Variants in PDE3A observed in about 807,000 individuals in gnomAD.
PDE3A encodes the protein cGMP-inhibited 3',5'-cyclic phosphodiesterase 3A.
Under a neutral mutation model 98.3 loss-of-function variants are expected in PDE3A, and 43 were observed. The observed-to-expected ratio is 0.44, with a 90% CI of 0.34 to 0.56. PDE3A has a LOEUF of 0.56. PDE3A is among the 20% of genes least tolerant of loss of function. The pLI, the probability that PDE3A is intolerant of heterozygous loss-of-function variation, is 0.01. For missense variants in PDE3A, 1,427 were observed against 1,440.7 expected, an observed-to-expected ratio of 0.99 and a Z score of 0.15; for synonymous variants, 663 against 567.9, an observed-to-expected ratio of 1.17 and a Z score of -2.38.
At chr12:20,420,330 A>T (rs950247318) in intron 1 of PDE3A, among the ~76,000 whole-genome samples, 7 of 152,182 alleles carry the variant, frequency 4.6e-5, no homozygotes, top group African/African-American at 1.7e-4. Flanking sequence ...TCCGATCTCC[A>T]CGCTCTAAAC....
intron 15 of PDE3A, among the ~76,000 whole-genome samples, chr12:20,657,350 A>C (rs536096085): frequency 6.6e-6 from 1 of 152,304 alleles, no homozygotes; most frequent in South Asian, 2.1e-4. Context: ...GGCTCTCAGT[A>C]ATGTTAATAT....
chr12:20,570,085 G>A (rs1156424257), intron 2 of PDE3A, among the ~76,000 whole-genome samples: 2 of 152,042 alleles, frequency 1.3e-5, no homozygotes, highest in Non-Finnish European at 2.9e-5. Context: ...GAGAACTTAT[G>A]ATGAAAAGCA....
At chr12:20,370,781 C>A (rs1430851144) in intron 1 of PDE3A, among the ~76,000 whole-genome samples, 2 of 152,138 alleles carry the variant, frequency 1.3e-5, no homozygotes, top group Non-Finnish European at 2.9e-5. Context: ...GGAATTGATA[C>A]ACATTTTCTG....
rs74064919 is a variant in PDE3A, at chr12:20,508,507, G to A, written c.961-48153G>A. Reference sequence around the variant, plus strand: ...GTTGCTCAATGAATATTTGTGGAATGATTTGAGTAAACAGCAATTTGATCA... The same window carrying A: ...GTTGCTCAATGAATATTTGTGGAATAATTTGAGTAAACAGCAATTTGATCA... On this transcript the variant is annotated intron_variant, in intron 1 of 15. Transcript: ENST00000359062. Among the ~76,000 whole-genome samples the A allele has an allele frequency of 1.7e-3, 257 of 151,574 alleles. 2 individuals carry two copies. Among genetic ancestry groups the A allele is most frequent in the African/African-American group, 5.9e-3 (245 of 41,358 alleles).
chr12:20,520,502 A>G (rs567261040), intron 1 of PDE3A, among the ~76,000 whole-genome samples: 1 of 152,322 alleles, frequency 6.6e-6, no homozygotes, highest in African/African-American at 2.4e-5. Flanking sequence ...TAGTCAGCCA[A>G]AAGACACATG....
chr12:20,513,744 T>G (rs1592005827), intron 1 of PDE3A, among the ~76,000 whole-genome samples: 1 of 152,188 alleles, frequency 6.6e-6, no homozygotes, highest in African/African-American at 2.4e-5. Flanking sequence ...TTTTGACACA[T>G]CTGATAGAGA....
rs1374448960 is a variant in PDE3A at position 20,369,487 on chromosome 12, G to C, written c.203G>C (p.Gly68Ala). Residue 68 changes from glycine (G) to alanine (A), a missense_variant, in exon 1 of 16, where the codon GGC becomes GCC. Gly to Ala is a moderately conservative substitution (Grantham distance 60, BLOSUM62 0). Transcript: ENST00000359062. ...AAACTTTCCTCCGCGCTGTGCGCGG[G>C]CTCCCTGTCCTTTCTGCTGGCGCTG... is the stretch of plus-strand genomic sequence containing the variant. Reference protein sequence around the residue: ...SRKLSSALCAGSLSFLLALLV... With the variant: ...SRKLSSALCAASLSFLLALLV... 1 of 1,557,298 alleles carries C rather than the reference G, an allele frequency of 6.4e-7. No individual in the cohort carries two copies. Among genetic ancestry groups the C allele is most frequent in the Non-Finnish European group, 8.7e-7 (1 of 1,151,158 alleles).
At chr12:20,388,882 C>T (rs1366724487) in intron 1 of PDE3A, among the ~76,000 whole-genome samples, 1 of 151,852 alleles carries the variant, frequency 6.6e-6, no homozygotes, top group African/African-American at 2.4e-5. Flanking sequence ...ACAATGTGTA[C>T]ATAATATTTT....
At chr12:20,479,507 G>A (rs1453640924) in intron 1 of PDE3A, among the ~76,000 whole-genome samples, 1 of 152,096 alleles carries the variant, frequency 6.6e-6, no homozygotes, top group Non-Finnish European at 1.5e-5. Flanking sequence ...TGGTTGTTGA[G>A]GGCCAGAACT....
chr12:20,554,363 A>AATAAAAAAAT (rs1381466088), intron 1 of PDE3A, among the ~76,000 whole-genome samples: 1 of 5,526 alleles, frequency 1.8e-4, no homozygotes, highest in Admixed American at 5.4e-3. Flanking sequence ...CACAGATAAA[A>AATAAAAAAAT]AAAAAAAAAT....
In PDE3A at chr12:20,630,048, T is replaced by G; in HGVS notation, c.1681T>G (p.Ser561Ala). 6.2e-7 allele frequency: 1 copy of G among 1,614,000 alleles called. No individual in the cohort carries two copies. Among genetic ancestry groups the G allele is most frequent in the Non-Finnish European group, 8.5e-7 (1 of 1,179,938 alleles). The change falls in exon 6 of 16, where the codon TCT becomes GCT. Residue 561 changes from serine (S) to alanine (A), a missense_variant. This residue lies in a region of PDE3A where 1,012 missense variants were observed against 886.5 expected (regional missense o/e 1.14). Transcript: ENST00000359062. ...ADTTAKQSLG[S>A]HRALTYTQSA... is the part of the protein sequence containing the mutation. The stretch of plus-strand genomic sequence containing the variant: ...CACAACTGCCAAACAAAGCCTAGGT[T>G]CTCACAGGGCCTTAACTTACACTCA...
chr12:20,558,780 G>A (rs1397886653), intron 2 of PDE3A, among the ~76,000 whole-genome samples: 1 of 151,504 alleles, frequency 6.6e-6, no homozygotes, highest in African/African-American at 2.4e-5. Context: ...TATCTCCTTG[G>A]TCAATATGTC....
rs756512738 is a variant in PDE3A at position 20,633,752 on chromosome 12, T to C, written c.1820T>C (p.Val607Ala). 3.7e-6 allele frequency: 6 copies of C among 1,606,294 alleles called. No individual in the cohort carries two copies. Among genetic ancestry groups the C allele is most frequent in the Non-Finnish European group, 4.3e-6 (5 of 1,174,554 alleles). Reference protein sequence around the residue: ...PADEPLERSGVATRTPSRTDD... With the variant: ...PADEPLERSGAATRTPSRTDD... ...GATGAGCCCCTGGAGAGAAGTGGGG[T>C]AGCCACTCGGACACCAAGTAGAACA... The change falls in exon 7 of 16, where the codon GTA becomes GCA. Residue 607 changes from valine (V) to alanine (A), a missense_variant. By Grantham distance (64) the Val-to-Ala change is moderately conservative (BLOSUM62 0). Coordinates refer to ENST00000359062, the MANE Select transcript of PDE3A (RefSeq NM_000921.5).
intron 2 of PDE3A, among the ~76,000 whole-genome samples, chr12:20,611,504 T>C (rs1943853341): frequency 6.6e-6 from 1 of 152,082 alleles, no homozygotes; most frequent in Admixed American, 6.6e-5. Context: ...TATTTCCACT[T>C]TCCACCTGTC....
chr12:20,417,583 T>C (rs1404923215), intron 1 of PDE3A, among the ~76,000 whole-genome samples: 1 of 152,132 alleles, frequency 6.6e-6, no homozygotes, highest in African/African-American at 2.4e-5. Context: ...AATATGTGAG[T>C]TCATCCACCC....
At chr12:20,677,197 T>C (rs544988006) in intron 15 of PDE3A, among the ~76,000 whole-genome samples, 1 of 152,260 alleles carries the variant, frequency 6.6e-6, no homozygotes, top group Admixed American at 6.5e-5. Flanking sequence ...TGGTTCTTTG[T>C]TTTTATACCT....
chr12:20,561,195 C>A (rs1298566146), intron 2 of PDE3A, among the ~76,000 whole-genome samples: 1 of 151,808 alleles, frequency 6.6e-6, no homozygotes, highest in Non-Finnish European at 1.5e-5. Context: ...GAGGCAGAGG[C>A]TGCAGTGAGC....
At chr12:20,618,499 A>T (rs1944062107) in intron 4 of PDE3A, among the ~76,000 whole-genome samples, 2 of 152,050 alleles carry the variant, frequency 1.3e-5, no homozygotes. Context: ...TGGATAATTT[A>T]CCCCTGGGTA....
At chr12:20,549,394 T>G (rs1019698689) in intron 1 of PDE3A, among the ~76,000 whole-genome samples, 6 of 150,386 alleles carry the variant, frequency 4.0e-5, no homozygotes, top group African/African-American at 1.5e-4. Flanking sequence ...GCCTCTTTCT[T>G]TGCATTAAAA....
Sources: allele counts gnomAD v4.1 joint callset (sites outside exome capture counted in the v4.1 genomes callset), GRCh38; gene constraint gnomAD v4.1.1; regional missense constraint gnomAD v4.1.1; transcripts MANE v1.5; gene names NCBI Gene and HGNC (gene_info 2026-07-23, HGNC 2026-07-21).